The following PDE4B variants were observed in gnomAD, a reference collection of about 807,000 sequenced individuals.
PDE4B encodes the protein 3',5'-cyclic-AMP phosphodiesterase 4B.
PDE4B carries 20 observed loss-of-function variants against 82.2 expected under a neutral mutation model. The observed-to-expected ratio is 0.24, with a 90% CI of 0.17 to 0.35. The LOEUF (loss-of-function observed/expected upper bound fraction) is 0.35, where lower values mean the gene tolerates loss of function less well. PDE4B is among the 10% of genes least tolerant of loss of function. The pLI is 1.00. For missense variants in PDE4B, 655 were observed against 907.2 expected, an observed-to-expected ratio of 0.72 and a Z score of 3.57; for synonymous variants, 320 against 318.9, an observed-to-expected ratio of 1.00 and a Z score of -0.04.
At chr1:65,950,085 C>T (rs1481024390) in intron 3 of PDE4B, among the ~76,000 whole-genome samples, 1 of 152,062 alleles carries the variant, frequency 6.6e-6, no homozygotes, top group Non-Finnish European at 1.5e-5. Flanking sequence ...GTTCCTGTTA[C>T]TCTCACTTTG....
At chr1:66,333,252 GC>G (rs1660258870) in intron 8 of PDE4B, among the ~76,000 whole-genome samples, 1 of 152,110 alleles carries the variant, frequency 6.6e-6, no homozygotes, top group Admixed American at 6.5e-5. Context: ...CATGCATACT[GC>G]CCCCAAAATG....
At chr1:66,113,384 T>A (rs1415142797) in intron 3 of PDE4B, among the ~76,000 whole-genome samples, 1 of 152,218 alleles carries the variant, frequency 6.6e-6, no homozygotes, top group Non-Finnish European at 1.5e-5. Flanking sequence ...ATGGGTTTCA[T>A]CAAGACAAGT....
At chr1:66,071,944 A>T (rs939710581) in intron 3 of PDE4B, among the ~76,000 whole-genome samples, 11 of 152,082 alleles carry the variant, frequency 7.2e-5, no homozygotes, top group Non-Finnish European at 1.6e-4. Context: ...TTGAGGTACA[A>T]AGAGCCTAGG....
intron 3 of PDE4B, among the ~76,000 whole-genome samples, chr1:66,165,442 G>A (rs762396677): frequency 1.3e-4 from 20 of 151,728 alleles, no homozygotes; most frequent in African/African-American, 4.4e-4. Flanking sequence ...AAAATTCATC[G>A]TAAAAGAACT....
At chr1:66,295,240 G>A (rs1446797709) in intron 7 of PDE4B, among the ~76,000 whole-genome samples, 1 of 152,050 alleles carries the variant, frequency 6.6e-6, no homozygotes, top group Non-Finnish European at 1.5e-5. Context: ...AAAGGGGACA[G>A]GCCCTTGGTA....
chr1:66,270,966 C>A (rs1323600416), intron 7 of PDE4B, among the ~76,000 whole-genome samples: 1 of 152,182 alleles, frequency 6.6e-6, no homozygotes, highest in Non-Finnish European at 1.5e-5. Context: ...ACCAGAAAAG[C>A]CCCAGTTATT....
At chr1:66,114,215 G>A (rs1361284312) in intron 3 of PDE4B, among the ~76,000 whole-genome samples, 1 of 152,100 alleles carries the variant, frequency 6.6e-6, no homozygotes, top group Non-Finnish European at 1.5e-5. Flanking sequence ...AAATTAGCCA[G>A]CACCTTGATC....
At chr1:66,328,052 G>A (rs1270743064) in intron 7 of PDE4B, among the ~76,000 whole-genome samples, 1 of 152,226 alleles carries the variant, frequency 6.6e-6, no homozygotes, top group African/African-American at 2.4e-5. Context: ...ATCACACAAA[G>A]ATGTTGCAAA....
At chr1:66,358,768 G>T (rs1203969260) in intron 9 of PDE4B, among the ~76,000 whole-genome samples, 1 of 151,148 alleles carries the variant, frequency 6.6e-6, no homozygotes, top group Non-Finnish European at 1.5e-5. Context: ...AAAATAAGAA[G>T]ATCTTAGCAA....
chr1:66,198,137 T>C (rs934714896), intron 3 of PDE4B, among the ~76,000 whole-genome samples: 2 of 152,150 alleles, frequency 1.3e-5, no homozygotes, highest in African/African-American at 4.8e-5. Flanking sequence ...TTAATTTGAA[T>C]CTGGAGACTT....
At chr1:66,289,724 T>A (rs909943803) in intron 7 of PDE4B, among the ~76,000 whole-genome samples, 14 of 151,256 alleles carry the variant, frequency 9.3e-5, no homozygotes, top group Admixed American at 4.6e-4. Flanking sequence ...ATATATATAT[T>A]TTTAAAAATG....
chr1:66,069,944 T>C (rs1656066000), intron 3 of PDE4B, among the ~76,000 whole-genome samples: 1 of 152,062 alleles, frequency 6.6e-6, no homozygotes, highest in Admixed American at 6.6e-5. Flanking sequence ...TAATATTCCT[T>C]CCATTCTTCC....
intron 3 of PDE4B, among the ~76,000 whole-genome samples, chr1:66,071,754 T>G (rs1392618005): frequency 1.3e-5 from 2 of 152,096 alleles, no homozygotes; most frequent in African/African-American, 4.8e-5. Context: ...AAAAAGTAGC[T>G]TCTTTAGATG....
At chr1:66,247,698 A>C in intron 4 of PDE4B, 44 bp downstream of exon 4, 39 of 1,414,098 alleles carry the variant, frequency 2.8e-5, no homozygotes, top group Non-Finnish European at 3.2e-5. Flanking sequence ...CATTTACCTC[A>C]TCTCTACCCA....
intron 1 of PDE4B, among the ~76,000 whole-genome samples, chr1:65,906,372 C>A (rs1052300659): frequency 1.3e-5 from 2 of 152,072 alleles, no homozygotes; most frequent in African/African-American, 4.8e-5. Context: ...AGAGAGCTTG[C>A]AATACCAGGT....
At chr1:66,276,999 A>G (rs994658647) in intron 7 of PDE4B, among the ~76,000 whole-genome samples, 1 of 152,208 alleles carries the variant, frequency 6.6e-6, no homozygotes, top group Non-Finnish European at 1.5e-5. Flanking sequence ...TTTTATCACT[A>G]TTTATCATTA....
chr1:66,117,192 A>G (rs1218233318), intron 3 of PDE4B, among the ~76,000 whole-genome samples: 1 of 152,226 alleles, frequency 6.6e-6, no homozygotes, highest in Non-Finnish European at 1.5e-5. Flanking sequence ...ATTATTCACA[A>G]TTCCATTGGC....
chr1:66,111,522 TC>T (rs1406826649), intron 3 of PDE4B, among the ~76,000 whole-genome samples: 1 of 152,134 alleles, frequency 6.6e-6, no homozygotes, highest in African/African-American at 2.4e-5. Context: ...TAGAATATTG[TC>T]CTTTTGTGTT....
At chr1:65,801,792 G>A (rs1645697267) in intron 1 of PDE4B, among the ~76,000 whole-genome samples, 1 of 152,146 alleles carries the variant, frequency 6.6e-6, no homozygotes, top group Non-Finnish European at 1.5e-5. Context: ...TGGATTATAG[G>A]CAAAATGTAT....
Sources: gnomAD v4.1 joint callset for allele counts (sites outside exome capture counted in the v4.1 genomes callset) on GRCh38, gnomAD v4.1.1 for gene constraint, MANE v1.5 for transcripts, NCBI Gene and HGNC (gene_info 2026-07-23, HGNC 2026-07-21) for gene names.